MYO10: variants seen among roughly 807,000 people sequenced by gnomAD.
MYO10 encodes the protein unconventional myosin-X.
Under a neutral mutation model 257.3 loss-of-function variants are expected in MYO10, and 133 were observed. The ratio of observed to expected loss-of-function variants is 0.52; its 90% CI spans 0.45 to 0.60. The LOEUF (loss-of-function observed/expected upper bound fraction) is 0.60, where lower values mean the gene tolerates loss of function less well. MYO10 is among the 20% of genes least tolerant of loss of function. The pLI, the probability that MYO10 is intolerant of heterozygous loss-of-function variation, is 0.00. For missense variants in MYO10, 2,399 were observed against 2,635.7 expected (o/e 0.91, Z 1.97); for synonymous variants, 1,104 against 1,028.6 (o/e 1.07, Z -1.40).
chr5:16,704,319 T>C (rs1159956129), intron 22 of MYO10, among the ~76,000 whole-genome samples: 1 of 152,124 alleles, frequency 6.6e-6, no homozygotes, highest in East Asian at 1.9e-4. Context: ...AGTAAGACCC[T>C]GCCTCAAATA....
chr5:16,804,646 G>A (rs773373523), intron 3 of MYO10, among the ~76,000 whole-genome samples: 1 of 152,200 alleles, frequency 6.6e-6, no homozygotes, highest in Non-Finnish European at 1.5e-5. Context: ...GCTGAGGCAG[G>A]AGGATCACCT....
chr5:16,771,625 A>G lies in MYO10; in HGVS notation c.931-2422T>C, dbSNP rs73053047. Among the ~76,000 whole-genome samples, 383 of 150,186 alleles carry G rather than the reference A, an allele frequency of 2.6e-3. 1 individual carries two copies. Among genetic ancestry groups the G allele is most frequent in the African/African-American group, 9.1e-3 (372 of 41,068 alleles). ...ACAGGGTCTCACTCCTGTCACCTGC[A>G]CTGGCGGGCAGTGGTGTGATCAAGG... On this transcript the variant is annotated intron_variant, in intron 9 of 40. Coordinates refer to ENST00000513610, the MANE Select transcript of MYO10 (RefSeq NM_012334.3).
rs576270241 is a variant in MYO10, at chr5:16,809,549, G to C, written c.279+8460C>G. Among the ~76,000 whole-genome samples the C allele has an allele frequency of 2.0e-5, 3 of 152,318 alleles. No individual in the cohort carries two copies. The South Asian group carries it at 6.2e-4, about 32-fold the overall frequency. ...TTCAACCGGCTGCTAAAATCAATAG[G>C]CCTTTCTCTGGCTGATGCCTGCTAA... On this transcript the variant is annotated intron_variant, in intron 3 of 40. Transcript: ENST00000513610.
intron 1 of MYO10, among the ~76,000 whole-genome samples, chr5:16,912,844 AC>A: frequency 1.3e-5 from 2 of 150,410 alleles, no homozygotes; most frequent in South Asian, 2.1e-4. Context: ...ACACACACAC[AC>A]ACACCATGGT....
intron 2 of MYO10, 105 bp downstream of exon 2, chr5:16,877,504 T>A: frequency 1.3e-6 from 1 of 788,720 alleles, no homozygotes; most frequent in East Asian, 2.7e-5. Context: ...AGGAAAAAAA[T>A]GTAAAGCGTG....
rs555841580 is a variant in MYO10, at chr5:16,902,610, G to A, written c.22-24903C>T. On this transcript the variant is annotated intron_variant, in intron 1 of 40. Coordinates refer to ENST00000513610, the MANE Select transcript of MYO10 (RefSeq NM_012334.3). ...CTGCACGTGGCCGCGGCCCTTTTTG[G>A]CACGACCATTGTTCCTTCTTTTCTT... The A allele has an allele frequency of 1.1e-5, 17 of 1,548,706 alleles. No homozygotes were observed. The East Asian group carries it at 2.9e-4, about 27-fold the overall frequency.
intron 27 of MYO10, among the ~76,000 whole-genome samples, chr5:16,693,490 T>A (rs1326871271): frequency 6.6e-6 from 1 of 152,198 alleles, no homozygotes; most frequent in Admixed American, 6.5e-5. Context: ...TACAATCAAA[T>A]ACATAAAAGA....
rs57628919 is a variant in MYO10, at chr5:16,895,753, AACACACACACAC to A, written c.22-18058_22-18047del. 6.2e-3 allele frequency among the ~76,000 whole-genome samples: 813 copies of A among 131,728 alleles called. 11 individuals carry two copies. Among genetic ancestry groups the A allele is most frequent in the East Asian group, 0.029 (116 of 4,052 alleles). 86.4% of individuals were successfully genotyped at this position (131,728 alleles called of 152,430 possible). ...TAAGCCGCCCCCTCCCCAACACCACAACACACACACACACACACACACACACACACACACACA... is the reference window on the plus strand; with the variant it reads ...TAAGCCGCCCCCTCCCCAACACCACAACACACACACACACACACACACACA... On this transcript the variant is annotated intron_variant, in intron 1 of 40. Transcript: ENST00000513610.
chr5:16,935,411 G>A (rs1746407026), intron 1 of MYO10, among the ~76,000 whole-genome samples: 1 of 152,172 alleles, frequency 6.6e-6, no homozygotes, highest in African/African-American at 2.4e-5. Flanking sequence ...GAGAAAGGCA[G>A]GTCCCCGCTG....
chr5:16,738,467 C>T lies in MYO10; in HGVS notation c.1929+16361G>A, dbSNP rs754605670. 2.6e-4 allele frequency: 249 copies of T among 961,948 alleles called. 1 individual carries two copies. The highest frequency in any genetic ancestry group is 1.1e-3 in the Middle Eastern group (2 of 1,880). The allele number at this position is 961,948 out of a possible 1,614,324, so 59.6% of individuals were successfully genotyped here. A position where few individuals can be genotyped will look rare whatever the true frequency, so the allele number is the denominator to read the frequency against. On this transcript the variant is annotated intron_variant, in intron 19 of 40. Transcript: ENST00000513610. ...ATGTTTAGCAGTGAGGAGAAGATTGCTCAAGGTGAGGGAGCCCAGTCAAGT... is the reference window on the plus strand; with the variant it reads ...ATGTTTAGCAGTGAGGAGAAGATTGTTCAAGGTGAGGGAGCCCAGTCAAGT...
At chr5:16,794,535 A>T in intron 4 of MYO10, 111 bp downstream of exon 4, 1 of 1,024,910 alleles carries the variant, frequency 9.8e-7, no homozygotes. Flanking sequence ...GGAGAAACTC[A>T]GGCGGTTGTA....
intron 1 of MYO10, among the ~76,000 whole-genome samples, chr5:16,901,239 A>G (rs1009359208): frequency 1.3e-5 from 2 of 151,918 alleles, no homozygotes; most frequent in African/African-American, 4.8e-5. Context: ...CGGCATTCAC[A>G]TACATTACCT....
At position 16,891,379 on chromosome 5, in the gene MYO10, G is replaced by A. The variant is rs932670786; in HGVS notation, c.22-13672C>T. Among the ~76,000 whole-genome samples the A allele has an allele frequency of 1.0e-4, 11 of 110,044 alleles. No individual in the cohort carries two copies. The South Asian group carries it at 1.2e-3, about 12-fold the overall frequency. The allele number at this position is 110,044 out of a possible 152,430, so 72.2% of individuals were successfully genotyped here. A position where few individuals can be genotyped will look rare whatever the true frequency, so the allele number is the denominator to read the frequency against. On this transcript the variant is annotated intron_variant, in intron 1 of 40. Coordinates refer to ENST00000513610, the MANE Select transcript of MYO10 (RefSeq NM_012334.3). ...AGGAAGGAAGGAAGGAAGGAAGGAA[G>A]GAGAGAGAGAGGAAGGAGGAAGGAG...
Position 16,761,492 on chromosome 5 carries a change from C to A in MYO10, c.1711G>T (p.Asp571Tyr). The A allele has an allele frequency of 6.2e-7, 1 of 1,613,294 alleles. No homozygotes were observed. Among genetic ancestry groups the A allele is most frequent in the South Asian group, 1.1e-5 (1 of 91,034 alleles). Residue 571 changes from aspartate (D) to tyrosine (Y), a missense_variant, in exon 17 of 41, where the codon GAC becomes TAC. This residue lies in a region of MYO10 where 1,820 missense variants were observed against 1,939.4 expected (regional missense o/e 0.94). Transcript: ENST00000513610. ...LEKNRDTFRD[D>Y]LLNLLRESRF... ...CTTTCTCTTAGCAAATTGAGAAGGT[C>A]ATCTCGAAATGTATCTCTGTTCTTC...
intron 9 of MYO10, among the ~76,000 whole-genome samples, chr5:16,772,536 T>TAAAG (rs1741086276): frequency 6.6e-6 from 1 of 152,258 alleles, no homozygotes. Context: ...GTACCTATAT[T>TAAAG]ATTTTTAAAA....
At chr5:16,781,918 A>G in intron 5 of MYO10, 89 bp from the exon 6 acceptor site, 1 of 1,470,714 alleles carries the variant, frequency 6.8e-7, no homozygotes, top group South Asian at 1.3e-5. Context: ...AAAATATACA[A>G]CTGCAAGAAA....
chr5:16,918,249 C>T (rs767405935), intron 1 of MYO10, among the ~76,000 whole-genome samples: 4 of 152,260 alleles, frequency 2.6e-5, no homozygotes, highest in East Asian at 1.9e-4. Flanking sequence ...TAGACAGCTG[C>T]GTGTCACTTC....
At chr5:16,904,983 T>TC (rs1745482143) in intron 1 of MYO10, among the ~76,000 whole-genome samples, 1 of 152,188 alleles carries the variant, frequency 6.6e-6, no homozygotes, top group Non-Finnish European at 1.5e-5. Flanking sequence ...GTTTACTTAT[T>TC]CCTCTACCTC....
Position 16,742,154 on chromosome 5 carries a change from T to G in MYO10, c.1929+12674A>C, listed in dbSNP as rs1388276710. On this transcript the variant is annotated intron_variant, in intron 19 of 40. Transcript: ENST00000513610. ...ATCAATAATTTTTTTTTAAAAAAAG[T>G]CCCAGGACAAAATCAAGCAGTTTAG... 5.1e-6 allele frequency: 5 copies of G among 985,030 alleles called. No homozygotes were observed. The African/African-American group carries it at 8.8e-5, about 17-fold the overall frequency. The allele number at this position is 985,030 out of a possible 1,614,324, so 61.0% of individuals were successfully genotyped here. A position where few individuals can be genotyped will look rare whatever the true frequency, so the allele number is the denominator to read the frequency against.
Sources: allele counts gnomAD v4.1 joint callset (sites outside exome capture counted in the v4.1 genomes callset), GRCh38; gene constraint gnomAD v4.1.1; regional missense constraint gnomAD v4.1.1; transcripts MANE v1.5; gene names NCBI Gene and HGNC (gene_info 2026-07-23, HGNC 2026-07-21).